The following SCHIP1 variants were observed in gnomAD, a reference collection of about 807,000 sequenced individuals.
SCHIP1 encodes the protein schwannomin interacting protein 1.
Under a neutral mutation model 29.7 loss-of-function variants are expected in SCHIP1, and 8 were observed. The ratio of observed to expected loss-of-function variants is 0.27; its 90% confidence interval spans 0.16 to 0.49. The LOEUF (loss-of-function observed/expected upper bound fraction) is 0.49. Among genes scored for constraint, SCHIP1 ranks in the 20% least tolerant of loss-of-function variants. The pLI is 0.99. For synonymous variants in SCHIP1, 76 were observed against 94.9 expected (o/e 0.80, Z 1.16); for missense variants, 193 against 294.6 (o/e 0.66, Z 2.52).
At chr3:159,855,353 T>C (rs983290684) in intron 1 of SCHIP1, among the ~76,000 whole-genome samples, 3 of 152,112 alleles carry the variant, frequency 2.0e-5, no homozygotes, top group African/African-American at 4.8e-5. Flanking sequence ...AATAAGAAAA[T>C]AGTTACCTAG....
chr3:159,399,008 C>G, the SCHIP1 span: 1 of 942,002 alleles, frequency 1.1e-6, no homozygotes, highest in East Asian at 1.2e-4. Context: ...CCCACTCTAA[C>G]CTTATATTCT....
chr3:159,583,580 T>G, the SCHIP1 span, among the ~76,000 whole-genome samples: 2 of 152,122 alleles, frequency 1.3e-5, no homozygotes, highest in African/African-American at 2.4e-5. Flanking sequence ...ACCCAGAGCA[T>G]AAGAAAACAC....
At chr3:159,827,602 G>A in the SCHIP1 span, among the ~76,000 whole-genome samples, 19 of 152,134 alleles carry the variant, frequency 1.2e-4, no homozygotes, top group Admixed American at 5.9e-4. Context: ...TCAGGAGATC[G>A]AGACCATCCT....
At chr3:159,572,867 G>T in the SCHIP1 span, among the ~76,000 whole-genome samples, 235 of 151,310 alleles carry the variant, frequency 1.6e-3, no homozygotes, top group African/African-American at 5.4e-3. Context: ...TTATGTAATG[G>T]CTTTGTCTCT....
At chr3:159,391,659 CA>C in the SCHIP1 span, among the ~76,000 whole-genome samples, 1 of 152,280 alleles carries the variant, frequency 6.6e-6, no homozygotes, top group East Asian at 1.9e-4. Flanking sequence ...ACATAGAAAA[CA>C]TTATGCATTA....
intron 1 of SCHIP1, among the ~76,000 whole-genome samples, chr3:159,841,691 C>T (rs1180731825): frequency 6.6e-6 from 1 of 152,134 alleles, no homozygotes; most frequent in African/African-American, 2.4e-5. Flanking sequence ...GCAATTTCAT[C>T]TGGAGAGAAG....
At chr3:159,639,715 C>T in the SCHIP1 span, among the ~76,000 whole-genome samples, 2 of 151,928 alleles carry the variant, frequency 1.3e-5, no homozygotes, top group Non-Finnish European at 2.9e-5. Flanking sequence ...CTTCATAGAC[C>T]CCACTGTAGA....
chr3:159,378,452 G>A, the SCHIP1 span, among the ~76,000 whole-genome samples: 1 of 152,160 alleles, frequency 6.6e-6, no homozygotes, highest in African/African-American at 2.4e-5. Flanking sequence ...TGATGTTGTT[G>A]TTGTTTTAAC....
the SCHIP1 span, among the ~76,000 whole-genome samples, chr3:159,616,395 C>T: frequency 2.0e-5 from 3 of 152,156 alleles, no homozygotes; most frequent in African/African-American, 7.2e-5. Flanking sequence ...AGCCACCACG[C>T]CTGGCCACAA....
the SCHIP1 span, among the ~76,000 whole-genome samples, chr3:159,579,490 G>A: frequency 6.6e-6 from 1 of 152,180 alleles, no homozygotes; most frequent in East Asian, 1.9e-4. Flanking sequence ...ATTCGTGAGA[G>A]CTGAAATGTT....
the SCHIP1 span, among the ~76,000 whole-genome samples, chr3:159,807,112 CCTT>C: frequency 1.3e-5 from 2 of 152,288 alleles, no homozygotes; most frequent in African/African-American, 2.4e-5. Context: ...GCTTCAGAGT[CCTT>C]CTTTGGGATA....
the SCHIP1 span, among the ~76,000 whole-genome samples, chr3:159,396,077 G>A: frequency 2.8e-5 from 4 of 144,800 alleles, no homozygotes; most frequent in Admixed American, 1.4e-4. Context: ...TTATGTAATG[G>A]CCTTCTTTGT....
chr3:159,851,598 C>A (rs948470866), intron 1 of SCHIP1, among the ~76,000 whole-genome samples: 1 of 152,194 alleles, frequency 6.6e-6, no homozygotes, highest in African/African-American at 2.4e-5. Flanking sequence ...ATGCTTCCTT[C>A]ATTTTAACTA....
chr3:159,428,705 C>G, the SCHIP1 span, among the ~76,000 whole-genome samples: 8 of 151,564 alleles, frequency 5.3e-5, no homozygotes, highest in Admixed American at 4.6e-4. Flanking sequence ...GGTATATACC[C>G]AAAGGACTAT....
chr3:159,767,897 G>T, the SCHIP1 span, among the ~76,000 whole-genome samples: 1 of 152,170 alleles, frequency 6.6e-6, no homozygotes, highest in East Asian at 1.9e-4. Flanking sequence ...AATGTAGGCG[G>T]GAGTTCTTGC....
chr3:159,819,522 A>G, the SCHIP1 span, among the ~76,000 whole-genome samples: 1 of 152,214 alleles, frequency 6.6e-6, no homozygotes, highest in Non-Finnish European at 1.5e-5. Flanking sequence ...GAAAGAAAAA[A>G]GCCCAGCATC....
chr3:159,743,620 A>G, the SCHIP1 span, among the ~76,000 whole-genome samples: 1 of 152,218 alleles, frequency 6.6e-6, no homozygotes, highest in African/African-American at 2.4e-5. Context: ...ACTTAAACTC[A>G]TTAGTTTGAA....
the SCHIP1 span, among the ~76,000 whole-genome samples, chr3:159,749,613 T>C: frequency 1.3e-5 from 2 of 152,208 alleles, no homozygotes; most frequent in African/African-American, 4.8e-5. Context: ...CTTGATTTAC[T>C]CGGTGCTTAT....
chr3:159,493,344 A>G, the SCHIP1 span, among the ~76,000 whole-genome samples: 13 of 152,234 alleles, frequency 8.5e-5, no homozygotes, highest in African/African-American at 2.9e-4. Flanking sequence ...AGTGTGCTGT[A>G]TTCAGGAAAC....
Sources: gnomAD v4.1 joint callset for allele counts (sites outside exome capture counted in the v4.1 genomes callset) on GRCh38, gnomAD v4.1.1 for gene constraint, MANE v1.5 for transcripts, NCBI Gene and HGNC (gene_info 2026-07-23, HGNC 2026-07-21) for gene names.